The following KDM4C variants were observed in gnomAD, a reference collection of about 807,000 sequenced individuals.
KDM4C encodes the protein lysine demethylase 4C.
KDM4C carries 81 observed loss-of-function variants against 129.3 expected under a neutral mutation model. That is an observed-to-expected ratio of 0.63 (90% CI 0.52 to 0.75). The LOEUF is 0.75. Among genes scored for constraint, KDM4C ranks in the 30% least tolerant of loss-of-function variants. KDM4C has a pLI of 0.00. For missense variants in KDM4C, 1,457 were observed against 1,304.0 expected (o/e 1.12, Z -1.81); for synonymous variants, 573 against 456.1 (o/e 1.26, Z -3.26).
intron 8 of KDM4C, among the ~76,000 whole-genome samples, chr9:6,929,471 C>A (rs200633018): frequency 1.6e-5 from 2 of 127,528 alleles, no homozygotes; most frequent in East Asian, 4.5e-4. Flanking sequence ...TTGACTTTTT[C>A]TTTTTTTTTT....
intron 8 of KDM4C, among the ~76,000 whole-genome samples, chr9:6,927,693 T>C (rs879861706): frequency 2.6e-5 from 4 of 152,196 alleles, no homozygotes; most frequent in Non-Finnish European, 4.4e-5. Context: ...ACTTTGTTTT[T>C]TCATCTACGT....
chr9:7,164,366 A>G (rs1187091124), intron 19 of KDM4C, among the ~76,000 whole-genome samples: 1 of 151,510 alleles, frequency 6.6e-6, no homozygotes, highest in East Asian at 1.9e-4. Context: ...AACAAAAAGC[A>G]CCTTTCAGGA....
intron 8 of KDM4C, among the ~76,000 whole-genome samples, chr9:6,926,455 G>T (rs550117693): frequency 1.3e-5 from 2 of 150,620 alleles, no homozygotes; most frequent in African/African-American, 4.9e-5. Context: ...AAAATATTTT[G>T]TGGCCATATT....
intron 5 of KDM4C, among the ~76,000 whole-genome samples, chr9:6,860,580 A>G (rs770706099): frequency 2.0e-5 from 3 of 152,198 alleles, no homozygotes; most frequent in African/African-American, 7.2e-5. Context: ...TTACCTGTAT[A>G]ACAAACCTTC....
At chr9:6,848,314 T>C (rs907317912) in intron 4 of KDM4C, among the ~76,000 whole-genome samples, 2 of 152,172 alleles carry the variant, frequency 1.3e-5, no homozygotes, top group Non-Finnish European at 2.9e-5. Context: ...TTGATAAAAA[T>C]ATATGGTAAA....
chr9:6,771,184 TC>T (rs1437981309), intron 1 of KDM4C, among the ~76,000 whole-genome samples: 1 of 140,836 alleles, frequency 7.1e-6, no homozygotes, highest in Non-Finnish European at 1.5e-5. Flanking sequence ...TGCCTTGGCC[TC>T]CCCCCAAAGT....
chr9:6,931,244 G>A (rs1823677896), intron 8 of KDM4C, among the ~76,000 whole-genome samples: 1 of 151,974 alleles, frequency 6.6e-6, no homozygotes, highest in South Asian at 2.1e-4. Context: ...ACCATCGCCT[G>A]ACTTATCAGC....
intron 12 of KDM4C, among the ~76,000 whole-genome samples, chr9:7,010,275 G>C (rs1021652284): frequency 6.6e-6 from 1 of 152,022 alleles, no homozygotes; most frequent in Non-Finnish European, 1.5e-5. Flanking sequence ...TCTACCCATG[G>C]GTGAATACCA....
chr9:6,845,551 G>A lies in KDM4C; in HGVS notation c.436-3956G>A, dbSNP rs182817987. 2.0e-4 allele frequency among the ~76,000 whole-genome samples: 30 copies of A among 152,296 alleles called. No individual in the cohort carries two copies. In the East Asian group the frequency reaches 5.6e-3, roughly 28 times the overall value. On this transcript the variant is annotated intron_variant, in intron 4 of 21. Transcript: ENST00000381309. ...TTAAACTGCTGTCTGATTCCTGATAGGAGGAAGATACTATCACTGATTGAA... is the reference window on the plus strand; with the variant it reads ...TTAAACTGCTGTCTGATTCCTGATAAGAGGAAGATACTATCACTGATTGAA...
At chr9:7,086,742 T>G (rs1170860319) in intron 17 of KDM4C, among the ~76,000 whole-genome samples, 1 of 152,252 alleles carries the variant, frequency 6.6e-6, no homozygotes, top group Non-Finnish European at 1.5e-5. Flanking sequence ...GTCTTCCAGC[T>G]GATACATACA....
At chr9:7,048,633 C>T (rs1043466409) in intron 16 of KDM4C, among the ~76,000 whole-genome samples, 2 of 151,996 alleles carry the variant, frequency 1.3e-5, no homozygotes. Flanking sequence ...AAAACTTTTG[C>T]TACTTAAACA....
intron 17 of KDM4C, chr9:7,077,181 A>G: frequency 1.0e-6 from 1 of 985,380 alleles, no homozygotes; most frequent in South Asian, 4.7e-5. Context: ...TCATGTTATC[A>G]CACATGCTGT....
At chr9:7,148,946 G>A (rs868741472) in intron 19 of KDM4C, among the ~76,000 whole-genome samples, 55 of 152,320 alleles carry the variant, frequency 3.6e-4, no homozygotes, top group African/African-American at 1.3e-3. Flanking sequence ...GACTTCACCC[G>A]GAATTGGCAG....
At chr9:7,148,068 G>T (rs1301474833) in intron 19 of KDM4C, among the ~76,000 whole-genome samples, 1 of 152,212 alleles carries the variant, frequency 6.6e-6, no homozygotes, top group African/African-American at 2.4e-5. Context: ...GCCAGCTGTT[G>T]TGGTGGGGTG....
At chr9:6,853,595 C>T (rs1003537210) in intron 5 of KDM4C, among the ~76,000 whole-genome samples, 4 of 152,122 alleles carry the variant, frequency 2.6e-5, no homozygotes, top group African/African-American at 4.8e-5. Context: ...TTCTAGCTAC[C>T]GTGTGTGGCA....
chr9:6,810,474 T>C (rs1055278270), intron 3 of KDM4C, among the ~76,000 whole-genome samples: 2 of 152,224 alleles, frequency 1.3e-5, no homozygotes, highest in African/African-American at 4.8e-5. Context: ...ATTCTGGGGT[T>C]TAGAGATGGT....
In KDM4C at chr9:7,174,917, A is replaced by T; in HGVS notation, c.*188A>T. On this transcript the variant is annotated 3_prime_UTR_variant, in exon 22 of 22. Coordinates refer to ENST00000381309, the MANE Select transcript of KDM4C (RefSeq NM_015061.6). ...ATACACCCAATGAATTGGACGCAGCAATCTGAAATCATCTCTAGTCTTGCT... is the reference window on the plus strand; with the variant it reads ...ATACACCCAATGAATTGGACGCAGCTATCTGAAATCATCTCTAGTCTTGCT... The T allele has an allele frequency of 2.0e-6, 1 of 503,242 alleles. No individual in the cohort carries two copies. The highest frequency in any genetic ancestry group is 3.6e-6 in the Non-Finnish European group (1 of 279,382). 31.2% of individuals were successfully genotyped at this position (503,242 alleles called of 1,614,324 possible).
intron 9 of KDM4C, chr9:6,982,492 A>C (rs996721751): frequency 2.0e-5 from 3 of 152,192 alleles, no homozygotes; most frequent in Non-Finnish European, 4.4e-5. Context: ...CACTCATGAC[A>C]TGTGTGAGTA....
chr9:6,750,438 CAAA>C (rs1185293523), intron 1 of KDM4C, among the ~76,000 whole-genome samples: 3 of 101,864 alleles, frequency 2.9e-5, no homozygotes, highest in Admixed American at 1.0e-4. Flanking sequence ...GACTCTGTCT[CAAA>C]AAAAAAAAAA....
Sources: allele counts gnomAD v4.1 joint callset (sites outside exome capture counted in the v4.1 genomes callset), GRCh38; gene constraint gnomAD v4.1.1; transcripts MANE v1.5; gene names NCBI Gene and HGNC (gene_info 2026-07-23, HGNC 2026-07-21).